RBFOX1: variants seen among roughly 807,000 people sequenced by gnomAD.
RBFOX1 encodes the protein RNA binding protein fox-1 homolog 1.
A neutral mutation model predicts 57.7 loss-of-function variants in RBFOX1; 8 were observed. The observed-to-expected ratio is 0.14, with a 90% CI of 0.08 to 0.25. RBFOX1 has a LOEUF of 0.25. RBFOX1 is among the 10% of genes least tolerant of loss of function. The probability of loss-of-function intolerance (pLI) is 1.00; values close to 1 mark genes in which losing one functional copy is unlikely to be tolerated. For missense variants in RBFOX1, 611 were observed against 548.5 expected, an observed-to-expected ratio of 1.11 and a Z score of -1.14; for synonymous variants, 326 against 222.4, an observed-to-expected ratio of 1.47 and a Z score of -4.15.
At chr16:5,460,271 C>A (rs1001075462) in intron 1 of RBFOX1, among the ~76,000 whole-genome samples, 7 of 152,206 alleles carry the variant, frequency 4.6e-5, no homozygotes, top group African/African-American at 1.7e-4. Flanking sequence ...CAGACCTTTA[C>A]TTCTCTGTTT....
rs1172352993 is a variant in RBFOX1 at position 7,670,644 on chromosome 16, G to A, written c.930+5676G>A. On this transcript the variant is annotated intron_variant, in intron 13 of 15. Coordinates refer to ENST00000550418, the MANE Select transcript of RBFOX1 (RefSeq NM_018723.4). ...AGGAACAAGAATGTTATCAGGCATC[G>A]CTCCGTAAGCTTAGACTTTTAACAT... 4.6e-5 allele frequency among the ~76,000 whole-genome samples: 7 copies of A among 152,224 alleles called. No homozygotes were observed. In the East Asian group the frequency reaches 7.7e-4, roughly 17 times the overall value.
intron 4 of RBFOX1, among the ~76,000 whole-genome samples, chr16:5,910,301 G>A (rs992005262): frequency 1.3e-5 from 2 of 152,060 alleles, no homozygotes; most frequent in Non-Finnish European, 2.9e-5. Context: ...ACACAGAGGG[G>A]CACGTTCTCC....
chr16:5,541,575 A>G (rs558134346), intron 2 of RBFOX1, among the ~76,000 whole-genome samples: 113 of 152,216 alleles, frequency 7.4e-4, no homozygotes, highest in African/African-American at 2.6e-3. Context: ...TTTCCAAAGG[A>G]GGTAATCAGA....
intron 1 of RBFOX1, among the ~76,000 whole-genome samples, chr16:5,359,820 C>G (rs552478323): frequency 6.6e-6 from 1 of 152,276 alleles, no homozygotes; most frequent in African/African-American, 2.4e-5. Flanking sequence ...TAACAGGGAA[C>G]TGTGGTTAAT....
intron 3 of RBFOX1, among the ~76,000 whole-genome samples, chr16:5,800,297 C>A (rs1387253347): frequency 6.6e-6 from 1 of 152,096 alleles, no homozygotes; most frequent in Non-Finnish European, 1.5e-5. Flanking sequence ...ACCCCATAGT[C>A]CATTTCGTTA....
intron 2 of RBFOX1, among the ~76,000 whole-genome samples, chr16:6,486,277 G>C (rs1209330351): frequency 6.6e-6 from 1 of 151,676 alleles, no homozygotes; most frequent in East Asian, 1.9e-4. Flanking sequence ...GGCCAATCTT[G>C]AGCTAAACAA....
chr16:5,617,526 G>A (rs558421150), intron 3 of RBFOX1, among the ~76,000 whole-genome samples: 36 of 152,278 alleles, frequency 2.4e-4, no homozygotes, highest in African/African-American at 2.9e-4. Context: ...ACACAGTAGC[G>A]TCCATTGAAG....
chr16:7,450,392 C>CAAAA lies in RBFOX1; in HGVS notation c.28-67736_28-67733dup, dbSNP rs57188328. On this transcript the variant is annotated intron_variant, in intron 4 of 15. Coordinates refer to ENST00000550418, the MANE Select transcript of RBFOX1 (RefSeq NM_018723.4). ...CTGGCGACAGAGCAAGACTCTGTCT[C>CAAAA]AAAAAAAAAAAAAAAAAAAAAAGGA... 1.9e-3 allele frequency among the ~76,000 whole-genome samples: 131 copies of CAAAA among 69,210 alleles called. 2 individuals carry two copies. Among genetic ancestry groups the CAAAA allele is most frequent in the East Asian group, 0.011 (23 of 2,002 alleles). The allele number at this position is 69,210 out of a possible 152,430, so 45.4% of individuals were successfully genotyped here.
At chr16:6,628,886 C>T (rs993464956) in intron 2 of RBFOX1, among the ~76,000 whole-genome samples, 2 of 152,038 alleles carry the variant, frequency 1.3e-5, no homozygotes, top group South Asian at 2.1e-4. Context: ...AAAAATTAGC[C>T]AGGTGTGGTG....
chr16:7,401,761 A>G (rs2098247985), intron 4 of RBFOX1, among the ~76,000 whole-genome samples: 3 of 152,178 alleles, frequency 2.0e-5, no homozygotes, highest in African/African-American at 7.2e-5. Flanking sequence ...CTCAACAGAC[A>G]TATTGGCACA....
chr16:7,380,115 C>T (rs868524342), intron 4 of RBFOX1, among the ~76,000 whole-genome samples: 1 of 152,148 alleles, frequency 6.6e-6, no homozygotes, highest in African/African-American at 2.4e-5. Flanking sequence ...ACCTCAGCTT[C>T]CCAAAACACT....
intron 3 of RBFOX1, among the ~76,000 whole-genome samples, chr16:6,838,223 C>A (rs149775191): frequency 6.6e-5 from 10 of 152,144 alleles, no homozygotes; most frequent in African/African-American, 2.4e-4. Flanking sequence ...GTTCCCTTCC[C>A]TGTGTCCATG....
At chr16:7,553,263 G>T (rs565911339) in intron 5 of RBFOX1, among the ~76,000 whole-genome samples, 138 of 152,204 alleles carry the variant, frequency 9.1e-4, no homozygotes, top group Non-Finnish European at 1.7e-3. Flanking sequence ...TCCCAGGTCA[G>T]CCTCTAGAGT....
chr16:6,019,215 C>G lies in RBFOX1; in HGVS notation c.-904C>G, dbSNP rs941116392. On this transcript the variant is annotated 5_prime_UTR_variant, in exon 1 of 16. Coordinates refer to ENST00000550418, the MANE Select transcript of RBFOX1 (RefSeq NM_018723.4). This position sits in a 1 kb window ranked among gnomAD's most constrained non-coding sequence, Gnocchi z 4.2. ...TCTCTCCCGCCCTCCTACAAGCGCT[C>G]TTGCTGGCCGTCTGGGTGCACACAC... 5 of 985,308 alleles carry G rather than the reference C, an allele frequency of 5.1e-6. No homozygotes were observed. The African/African-American group carries it at 7.0e-5, about 14-fold the overall frequency. The allele number at this position is 985,308 out of a possible 1,614,324, so 61.0% of individuals were successfully genotyped here.
intron 1 of RBFOX1, among the ~76,000 whole-genome samples, chr16:5,352,906 G>A (rs886546098): frequency 6.6e-6 from 1 of 152,194 alleles, no homozygotes; most frequent in African/African-American, 2.4e-5. Context: ...TTGTGCCACT[G>A]TGCTCCAGCC....
At chr16:5,258,094 G>A (rs866242939) in intron 1 of RBFOX1, among the ~76,000 whole-genome samples, 1 of 152,192 alleles carries the variant, frequency 6.6e-6, no homozygotes, top group African/African-American at 2.4e-5. Flanking sequence ...GCCTAGGCTG[G>A]TCTCAAACTC....
At chr16:7,685,732 G>C (rs893253026) in intron 14 of RBFOX1, among the ~76,000 whole-genome samples, 2 of 152,076 alleles carry the variant, frequency 1.3e-5, no homozygotes, top group Non-Finnish European at 2.9e-5. Context: ...GTTATTTTTA[G>C]TCTAGGCAAT....
chr16:6,140,142 C>G (rs996176317), intron 1 of RBFOX1, among the ~76,000 whole-genome samples: 5 of 151,392 alleles, frequency 3.3e-5, no homozygotes, highest in Non-Finnish European at 7.4e-5. Context: ...ATACTACTGT[C>G]TGATAATTCG....
chr16:6,716,108 G>T (rs902067750), intron 3 of RBFOX1, among the ~76,000 whole-genome samples: 4 of 152,160 alleles, frequency 2.6e-5, no homozygotes, highest in Admixed American at 1.3e-4. Flanking sequence ...GAATTAGATT[G>T]GCCTGAGGCA....
Sources: gnomAD v4.1 joint callset for allele counts (sites outside exome capture counted in the v4.1 genomes callset) on GRCh38, gnomAD v4.1.1 for gene constraint, Gnocchi (gnomAD v3.1) non-coding constraint, MANE v1.5 for transcripts, NCBI Gene and HGNC (gene_info 2026-07-23, HGNC 2026-07-21) for gene names.